Variants in KCNN2 observed in about 807,000 individuals in gnomAD.
The protein encoded by KCNN2 is potassium calcium-activated channel subfamily N member 2, also known as small conductance calcium-activated potassium channel protein 2.
A neutral mutation model predicts 55.5 loss-of-function variants in KCNN2; 24 were observed. The ratio of observed to expected loss-of-function variants is 0.43; its 90% CI spans 0.31 to 0.61. The LOEUF (loss-of-function observed/expected upper bound fraction) is 0.61, where lower values mean the gene tolerates loss of function less well. Among genes scored for constraint, KCNN2 ranks in the 20% least tolerant of loss-of-function variants. The pLI, the probability that KCNN2 is intolerant of heterozygous loss-of-function variation, is 0.08. For synonymous variants in KCNN2, 431 were observed against 336.1 expected (o/e 1.28, Z -3.09); for missense variants, 754 against 853.6 (o/e 0.88, Z 1.45).
intron 5 of KCNN2, among the ~76,000 whole-genome samples, chr5:114,482,721 T>C (rs1016890664): frequency 2.6e-5 from 4 of 152,154 alleles, no homozygotes; most frequent in African/African-American, 9.7e-5. Context: ...ATCATCTCCT[T>C]TGCAGGGACA....
chr5:114,111,126 A>G (rs1262790629), intron 1 of KCNN2, among the ~76,000 whole-genome samples: 7 of 152,122 alleles, frequency 4.6e-5, no homozygotes, highest in Non-Finnish European at 1.0e-4. Flanking sequence ...TGTTACCAAA[A>G]CAGATATATA....
intron 3 of KCNN2, among the ~76,000 whole-genome samples, chr5:114,456,909 T>G (rs912174338): frequency 2.0e-5 from 3 of 152,216 alleles, no homozygotes; most frequent in Non-Finnish European, 2.9e-5. Flanking sequence ...TTGCTTCCTA[T>G]GGATCAGCAA....
At chr5:114,250,632 C>T (rs147881523) in intron 2 of KCNN2, among the ~76,000 whole-genome samples, 6 of 152,140 alleles carry the variant, frequency 3.9e-5, no homozygotes, top group East Asian at 3.9e-4. Flanking sequence ...GGAGATAGCT[C>T]GTAATTGGGT....
At chr5:114,325,299 G>C (rs1756694343) in intron 2 of KCNN2, among the ~76,000 whole-genome samples, 1 of 152,178 alleles carries the variant, frequency 6.6e-6, no homozygotes, top group South Asian at 2.1e-4. Flanking sequence ...TGCAAGAAAA[G>C]AGATATAAAT....
intron 2 of KCNN2, among the ~76,000 whole-genome samples, chr5:114,227,689 C>T (rs898015050): frequency 3.3e-5 from 5 of 151,918 alleles, no homozygotes; most frequent in African/African-American, 1.2e-4. Context: ...AATTTGAAAT[C>T]AGAAAAAAAG....
chr5:114,123,617 C>T (rs1394195654), intron 1 of KCNN2, among the ~76,000 whole-genome samples: 3 of 146,756 alleles, frequency 2.0e-5, no homozygotes, highest in Non-Finnish European at 4.5e-5. Flanking sequence ...CCCGCCTCGG[C>T]CTCCCAAAGT....
intron 2 of KCNN2, among the ~76,000 whole-genome samples, chr5:114,315,203 A>T (rs1756476117): frequency 1.3e-5 from 2 of 152,138 alleles, no homozygotes; most frequent in Non-Finnish European, 2.9e-5. Flanking sequence ...GTTGTGGGTT[A>T]TGTTTCTCAT....
intron 2 of KCNN2, among the ~76,000 whole-genome samples, chr5:114,340,668 A>ATG (rs3070942): frequency 0.039 from 5,903 of 150,610 alleles, 139 homozygotes; most frequent in Non-Finnish European, 0.052. Context: ...GTGTGTGTGC[A>ATG]TGTGTGTGTG....
chr5:114,161,409 A>G (rs547304038), intron 1 of KCNN2, among the ~76,000 whole-genome samples: 2 of 132,488 alleles, frequency 1.5e-5, no homozygotes, highest in East Asian at 2.4e-4. Flanking sequence ...GGGTAACCCA[A>G]CCTTTCTCTC....
intron 1 of KCNN2, among the ~76,000 whole-genome samples, chr5:114,129,399 G>A (rs890107308): frequency 4.0e-5 from 6 of 151,814 alleles, no homozygotes; most frequent in Admixed American, 6.6e-5. Context: ...ATATTTCCAC[G>A]TAAAACCTAA....
intron 3 of KCNN2, among the ~76,000 whole-genome samples, chr5:114,406,825 T>G (rs2150072261): frequency 6.6e-6 from 1 of 152,268 alleles, no homozygotes; most frequent in African/African-American, 2.4e-5. Flanking sequence ...TGGTGGAATC[T>G]GTCTTCCAGT....
intron 1 of KCNN2, among the ~76,000 whole-genome samples, chr5:114,182,662 A>G (rs192832079): frequency 2.0e-5 from 3 of 152,188 alleles, no homozygotes; most frequent in East Asian, 3.9e-4. Context: ...TTCTAATTTC[A>G]TATTCCAACT....
chr5:114,291,864 C>A (rs1755896536), intron 2 of KCNN2, among the ~76,000 whole-genome samples: 1 of 152,170 alleles, frequency 6.6e-6, no homozygotes, highest in African/African-American at 2.4e-5. Flanking sequence ...TGTTTCCTGA[C>A]TTTTTAATGA....
intron 1 of KCNN2, among the ~76,000 whole-genome samples, chr5:114,215,400 G>T (rs2112586380): frequency 6.6e-6 from 1 of 152,188 alleles, no homozygotes; most frequent in African/African-American, 2.4e-5. Flanking sequence ...TAACAAAGGA[G>T]AGTTACTTTT....
At chr5:114,478,200 T>G (rs2150129110) in intron 5 of KCNN2, among the ~76,000 whole-genome samples, 1 of 152,140 alleles carries the variant, frequency 6.6e-6, no homozygotes, top group South Asian at 2.1e-4. Flanking sequence ...AGTGGAAGTG[T>G]TATGCTAAAA....
intron 2 of KCNN2, among the ~76,000 whole-genome samples, chr5:114,235,547 G>A (rs1353153436): frequency 2.6e-5 from 4 of 152,118 alleles, no homozygotes; most frequent in Admixed American, 2.0e-4. Context: ...GTATAGTTTA[G>A]AACTATACAT....
chr5:114,462,058 G>A (rs1017440060), intron 3 of KCNN2, among the ~76,000 whole-genome samples: 4 of 152,156 alleles, frequency 2.6e-5, no homozygotes, highest in African/African-American at 9.7e-5. Context: ...GGGCCTGACT[G>A]TCATAGAAAC....
intron 1 of KCNN2, among the ~76,000 whole-genome samples, chr5:114,102,080 C>G (rs1751384135): frequency 6.6e-6 from 1 of 152,180 alleles, no homozygotes; most frequent in African/African-American, 2.4e-5. Flanking sequence ...TTCTCCACGT[C>G]CTTTCCAGCA....
chr5:114,385,348 A>G (rs1758244944), intron 2 of KCNN2, among the ~76,000 whole-genome samples: 1 of 152,098 alleles, frequency 6.6e-6, no homozygotes, highest in Admixed American at 6.5e-5. Flanking sequence ...TGAAATTTAC[A>G]AATACTTAAT....
Sources: allele counts gnomAD v4.1 joint callset (sites outside exome capture counted in the v4.1 genomes callset), GRCh38; gene constraint gnomAD v4.1.1; transcripts MANE v1.5; gene names NCBI Gene and HGNC (gene_info 2026-07-23, HGNC 2026-07-21).